Variants in CAMK1D observed in about 807,000 individuals in gnomAD.
CAMK1D encodes calcium/calmodulin-dependent protein kinase type 1D.
Under a neutral mutation model 47.7 loss-of-function variants are expected in CAMK1D, and 9 were observed. That is an observed-to-expected ratio of 0.19 (90% CI 0.11 to 0.33). CAMK1D has a LOEUF of 0.33. CAMK1D is among the 10% of genes least tolerant of loss of function. The pLI, the probability that CAMK1D is intolerant of heterozygous loss-of-function variation, is 1.00. For missense variants in CAMK1D, 291 were observed against 488.7 expected (o/e 0.60, Z 3.81); for synonymous variants, 184 against 184.9 (o/e 0.99, Z 0.04).
At chr10:12,630,311 G>A (rs1839340233) in intron 2 of CAMK1D, among the ~76,000 whole-genome samples, 2 of 130,808 alleles carry the variant, frequency 1.5e-5, no homozygotes, top group African/African-American at 5.8e-5. Context: ...CACCCCCACC[G>A]CGTATATATT....
chr10:12,417,240 A>G (rs914277879), intron 1 of CAMK1D, among the ~76,000 whole-genome samples: 20 of 152,102 alleles, frequency 1.3e-4, no homozygotes, highest in Non-Finnish European at 7.4e-5. Flanking sequence ...GTCTTCTTCC[A>G]TCTGTGTGTG....
intron 1 of CAMK1D, among the ~76,000 whole-genome samples, chr10:12,379,760 CAATT>C (rs1838286342): frequency 6.6e-6 from 1 of 151,986 alleles, no homozygotes; most frequent in South Asian, 2.1e-4. Context: ...CTCAATCAAT[CAATT>C]AATCAATGAA....
Position 12,399,159 on chromosome 10 carries a change from G to C in CAMK1D, c.92+49249G>C, listed in dbSNP as rs1588442630. On this transcript the variant is annotated intron_variant, in intron 1 of 10. Coordinates refer to ENST00000619168, the MANE Select transcript of CAMK1D (RefSeq NM_153498.4). ...GCTCTCAAACCATGGTCTCCTTGAG[G>C]CTTACTGGTGTGAGGGAGTGGGAGG... Among the ~76,000 whole-genome samples the C allele has an allele frequency of 3.9e-5, 6 of 152,284 alleles. No individual in the cohort carries two copies. In the South Asian group the frequency reaches 1.2e-3, roughly 32 times the overall value.
chr10:12,812,547 T>G (rs561346916), intron 6 of CAMK1D, among the ~76,000 whole-genome samples: 1 of 151,770 alleles, frequency 6.6e-6, no homozygotes, highest in Non-Finnish European at 1.5e-5. Context: ...ACCCAGGAGG[T>G]AGAGGTTGCA....
intron 4 of CAMK1D, among the ~76,000 whole-genome samples, chr10:12,761,383 CG>C (rs1358773156): frequency 6.6e-6 from 1 of 152,150 alleles, no homozygotes; most frequent in East Asian, 1.9e-4. Context: ...ATCTAAGAGA[CG>C]ATTTTGCTCA....
At chr10:12,760,877 T>G (rs1249004544) in intron 3 of CAMK1D, 71 bp from the exon 4 acceptor site, 2 of 1,538,510 alleles carry the variant, frequency 1.3e-6, no homozygotes, top group African/African-American at 2.7e-5. Context: ...TGGGATTTTT[T>G]TCACATTGGA....
chr10:12,544,664 A>G (rs952413949), intron 1 of CAMK1D, among the ~76,000 whole-genome samples: 1 of 152,246 alleles, frequency 6.6e-6, no homozygotes, highest in East Asian at 1.9e-4. Flanking sequence ...TTAAAGAAAC[A>G]TATTACGGAG....
intron 6 of CAMK1D, among the ~76,000 whole-genome samples, chr10:12,803,328 C>G (rs2131042273): frequency 6.6e-6 from 1 of 152,328 alleles, no homozygotes; most frequent in South Asian, 2.1e-4. Context: ...AGACCTGGGT[C>G]TGTCTTACTC....
rs55809900 is a variant in CAMK1D, at chr10:12,722,446, CAAAAAAAAAAAAAAAAA to C, written c.300-38489_300-38473del. On this transcript the variant is annotated intron_variant, in intron 3 of 10. Transcript: ENST00000619168. ...TGGGCAACAAAGTGAGACTCCGCCT[CAAAAAAAAAAAAAAAAA>C]AAAAAAAAAAAAGATAACTCCAAAG... Among the ~76,000 whole-genome samples the C allele has an allele frequency of 7.8e-3, 379 of 48,632 alleles. 4 individuals carry two copies. Among genetic ancestry groups the C allele is most frequent in the African/African-American group, 0.028 (364 of 12,894 alleles). The allele number at this position is 48,632 out of a possible 152,430, so 31.9% of individuals were successfully genotyped here.
At chr10:12,577,557 C>T (rs1837528343) in intron 2 of CAMK1D, among the ~76,000 whole-genome samples, 1 of 152,208 alleles carries the variant, frequency 6.6e-6, no homozygotes, top group Non-Finnish European at 1.5e-5. Flanking sequence ...TATATCATGG[C>T]TATTTCGGAA....
intron 2 of CAMK1D, among the ~76,000 whole-genome samples, chr10:12,626,482 T>C (rs909095005): frequency 1.3e-5 from 2 of 150,898 alleles, no homozygotes; most frequent in East Asian, 1.9e-4. Context: ...TTTCTTTTTT[T>C]TTTTTTTTTG....
intron 4 of CAMK1D, among the ~76,000 whole-genome samples, chr10:12,769,071 G>T (rs1214133697): frequency 6.6e-6 from 1 of 152,224 alleles, no homozygotes; most frequent in South Asian, 2.1e-4. Context: ...GCAAACAGAA[G>T]TGCGGACCCC....
chr10:12,741,031 G>A (rs1183717287), intron 3 of CAMK1D, among the ~76,000 whole-genome samples: 1 of 152,192 alleles, frequency 6.6e-6, no homozygotes, highest in Non-Finnish European at 1.5e-5. Context: ...TCATCCTTTT[G>A]ATGGAAGAGA....
Position 12,824,370 on chromosome 10 carries a change from G to T in CAMK1D, c.834-95G>T, listed in dbSNP as rs1173896361. 3 of 1,061,912 alleles carry T rather than the reference G, an allele frequency of 2.8e-6. No homozygotes were observed. The African/African-American group carries it at 4.7e-5, about 17-fold the overall frequency. 65.8% of individuals were successfully genotyped at this position (1,061,912 alleles called of 1,614,324 possible). ...GCCACCCTGTCCACGACTGAGCCTC[G>T]GCTCTCCTGAGGCTAGGTAAGACTC... On this transcript the variant is annotated intron_variant, in intron 8 of 10. Coordinates refer to ENST00000619168, the MANE Select transcript of CAMK1D (RefSeq NM_153498.4).
chr10:12,470,301 A>C (rs1416421690), intron 1 of CAMK1D, among the ~76,000 whole-genome samples: 3 of 152,314 alleles, frequency 2.0e-5, no homozygotes, highest in Non-Finnish European at 2.9e-5. Flanking sequence ...GGAGTATAAA[A>C]ATCAACTCTA....
At chr10:12,548,519 C>T (rs1461654919) in intron 1 of CAMK1D, among the ~76,000 whole-genome samples, 3 of 127,552 alleles carry the variant, frequency 2.4e-5, no homozygotes, top group African/African-American at 8.9e-5. Context: ...GGCTGAAGTA[C>T]AGTGCCGTGA....
intron 9 of CAMK1D, among the ~76,000 whole-genome samples, chr10:12,824,794 A>G (rs1833137893): frequency 6.6e-6 from 1 of 152,190 alleles, no homozygotes; most frequent in Non-Finnish European, 1.5e-5. Flanking sequence ...CTGTTTCTTA[A>G]CCAACATCAC....
intron 1 of CAMK1D, among the ~76,000 whole-genome samples, chr10:12,439,284 T>G (rs1832717595): frequency 1.3e-5 from 2 of 152,182 alleles, no homozygotes; most frequent in Admixed American, 1.3e-4. Context: ...GAGCAGTTGT[T>G]TGTTATGGTT....
intron 3 of CAMK1D, among the ~76,000 whole-genome samples, chr10:12,758,237 C>T (rs1485296371): frequency 6.6e-6 from 1 of 152,104 alleles, no homozygotes; most frequent in Non-Finnish European, 1.5e-5. Context: ...AAGTCTTCAG[C>T]TTATAAATTC....
Sources: allele counts gnomAD v4.1 joint callset (sites outside exome capture counted in the v4.1 genomes callset), GRCh38; gene constraint gnomAD v4.1.1; transcripts MANE v1.5; gene names NCBI Gene and HGNC (gene_info 2026-07-23, HGNC 2026-07-21).